The following STON2 variants were observed in gnomAD, a reference collection of about 807,000 sequenced individuals.
The protein encoded by STON2 is stonin-2.
A neutral mutation model predicts 65.7 loss-of-function variants in STON2; 29 were observed. The ratio of observed to expected loss-of-function variants is 0.44; its 90% CI spans 0.33 to 0.60. The LOEUF (loss-of-function observed/expected upper bound fraction) is 0.60, where lower values mean the gene tolerates loss of function less well. Ranked by LOEUF, STON2 falls within the 20% of genes least tolerant of loss-of-function variation. STON2 has a pLI of 0.03. For synonymous variants in STON2, 404 were observed against 414.2 expected (o/e 0.98, Z 0.30); for missense variants, 1,054 against 1,118.1 (o/e 0.94, Z 0.82).
chr14:81,321,333 C>T (rs549109727), intron 5 of STON2, among the ~76,000 whole-genome samples: 53 of 149,438 alleles, frequency 3.5e-4, no homozygotes, highest in South Asian at 1.5e-3. Flanking sequence ...GAGATCAAGA[C>T]CAGCCGAGGC....
At chr14:81,320,139 T>TG (rs1896769670) in intron 5 of STON2, among the ~76,000 whole-genome samples, 1 of 152,014 alleles carries the variant, frequency 6.6e-6, no homozygotes, top group South Asian at 2.1e-4. Flanking sequence ...CCTGGGGTGA[T>TG]GGGGTCTCTG....
At chr14:81,369,446 T>C (rs968069728) in intron 4 of STON2, among the ~76,000 whole-genome samples, 1 of 152,058 alleles carries the variant, frequency 6.6e-6, no homozygotes, top group Non-Finnish European at 1.5e-5. Context: ...GATTAGGCAA[T>C]GAAAAAACAG....
intron 3 of STON2, among the ~76,000 whole-genome samples, chr14:81,389,989 G>T (rs908856315): frequency 9.2e-5 from 14 of 152,016 alleles, no homozygotes; most frequent in African/African-American, 3.4e-4. Context: ...GAGGTGGGCC[G>T]ATCATTTGAG....
At position 81,433,447 on chromosome 14, in the gene STON2, T is replaced by A. The variant is rs968957541; in HGVS notation, c.-310+2874A>T. On this transcript the variant is annotated intron_variant, in intron 1 of 8. Coordinates refer to the STON2 transcript ENST00000553821. ...TCCCTGCCAATGGATAAAGTCCCAATCCCCTGGCACCCGACCCAGGGTCCT... is the reference window on the plus strand; with the variant it reads ...TCCCTGCCAATGGATAAAGTCCCAAACCCCTGGCACCCGACCCAGGGTCCT... Among the ~76,000 whole-genome samples the A allele has an allele frequency of 5.3e-5, 8 of 152,276 alleles. No individual in the cohort carries two copies. The East Asian group carries it at 7.7e-4, about 15-fold the overall frequency.
In STON2 at chr14:81,261,944, TAA is replaced by T. The variant is rs753081402; in HGVS notation, c.*6468_*6469del. 16,538 of 1,156,718 alleles carry T rather than the reference TAA, an allele frequency of 0.014. No homozygotes were observed. Among genetic ancestry groups the T allele is most frequent in the South Asian group, 0.029 (1,040 of 36,226 alleles). 71.7% of individuals were successfully genotyped at this position (1,156,718 alleles called of 1,614,324 possible). Reference sequence around the variant, plus strand: ...CTGTTTCTGTTGTCTGGGGAAATGATAAAAAAAAAAAAAAAAAAGAGAGAGAT... The same window carrying T: ...CTGTTTCTGTTGTCTGGGGAAATGATAAAAAAAAAAAAAAAAGAGAGAGAT... On this transcript the variant is annotated 3_prime_UTR_variant, in exon 8 of 8. Coordinates refer to ENST00000614646, the MANE Select transcript of STON2 (RefSeq NM_001394390.1).
At chr14:81,433,163 C>T (rs922105024) in intron 1 of STON2, among the ~76,000 whole-genome samples, 1 of 152,194 alleles carries the variant, frequency 6.6e-6, no homozygotes, top group Admixed American at 6.5e-5. Flanking sequence ...TGAGAGAGCA[C>T]GTGCATTTTA....
chr14:81,313,095 T>G (rs763907685), intron 5 of STON2, among the ~76,000 whole-genome samples: 3 of 152,212 alleles, frequency 2.0e-5, no homozygotes, highest in Non-Finnish European at 2.9e-5. Context: ...ACATACTATC[T>G]ACTATAATCT....
Position 81,261,537 on chromosome 14 carries a change from G to T in STON2, c.*6877C>A. 2.9e-6 allele frequency: 1 copy of T among 348,480 alleles called. No homozygotes were observed. Among genetic ancestry groups the T allele is most frequent in the Non-Finnish European group, 5.1e-6 (1 of 196,838 alleles). 21.6% of individuals were successfully genotyped at this position (348,480 alleles called of 1,614,324 possible). ...CAATTTGATGTTACTAAGAGACAAC[G>T]AGGATACAGAGGGGACTGTCCCTTT... On this transcript the variant is annotated 3_prime_UTR_variant, in exon 8 of 8. Coordinates refer to ENST00000614646, the MANE Select transcript of STON2 (RefSeq NM_001394390.1).
At chr14:81,281,846 T>A (rs1025390918) in intron 5 of STON2, among the ~76,000 whole-genome samples, 3 of 152,212 alleles carry the variant, frequency 2.0e-5, no homozygotes, top group Non-Finnish European at 4.4e-5. Flanking sequence ...TGAATTCAAT[T>A]AATTTCTAGG....
intron 5 of STON2, among the ~76,000 whole-genome samples, chr14:81,318,627 G>C (rs1465477077): frequency 2.6e-5 from 4 of 152,212 alleles, no homozygotes; most frequent in Non-Finnish European, 5.9e-5. Context: ...GAGGCGGGCA[G>C]ATCACTTGAG....
At chr14:81,270,400 G>A (rs909492075) in intron 7 of STON2, 1 of 1,393,620 alleles carries the variant, frequency 7.2e-7, no homozygotes, top group Admixed American at 3.2e-5. Flanking sequence ...TATTCTTTTT[G>A]TTGTCATTGC....
intron 5 of STON2, among the ~76,000 whole-genome samples, chr14:81,313,812 C>T (rs200407854): frequency 0.086 from 1,569 of 18,166 alleles, 35 homozygotes; most frequent in African/African-American, 0.23. Context: ...AAAAAAAATA[C>T]ACACACACAC....
At chr14:81,274,447 T>C (rs186533110) in intron 6 of STON2, among the ~76,000 whole-genome samples, 2 of 152,284 alleles carry the variant, frequency 1.3e-5, no homozygotes, top group Non-Finnish European at 2.9e-5. Context: ...CTGGGAATCA[T>C]TAAGGAGAGT....
At chr14:81,268,986 A>AC (rs905466671) in intron 7 of STON2, among the ~76,000 whole-genome samples, 34 of 152,116 alleles carry the variant, frequency 2.2e-4, no homozygotes, top group African/African-American at 8.0e-4. Context: ...GACTGTTTGT[A>AC]CCCCCTCAAT....
At chr14:81,373,798 A>T (rs1179686122) in intron 3 of STON2, among the ~76,000 whole-genome samples, 1 of 152,142 alleles carries the variant, frequency 6.6e-6, no homozygotes, top group African/African-American at 2.4e-5. Flanking sequence ...AAGATAGGAA[A>T]GAAAATTGTC....
rs577240829 is a variant in STON2 at position 81,301,100 on chromosome 14, A to ATTCATTTTAATAAATTCATTCATTTAAT, written c.743-22362_743-22361insATTAAATGAATGAATTTATTAAAATGAA. ...TTGCACCATCATTTCTCCAGGTTTGATTCATTCATTTAATCTCACACCAAC... is the reference window on the plus strand; with the variant it reads ...TTGCACCATCATTTCTCCAGGTTTGATTCATTTTAATAAATTCATTCATTTAATTTCATTCATTTAATCTCACACCAAC... On this transcript the variant is annotated intron_variant, in intron 5 of 7. Transcript: ENST00000614646. Among the ~76,000 whole-genome samples the ATTCATTTTAATAAATTCATTCATTTAAT allele has an allele frequency of 4.4e-4, 67 of 152,302 alleles. No individual in the cohort carries two copies. In the South Asian group the frequency reaches 0.013, roughly 31 times the overall value.
At chr14:81,397,847 T>C (rs780141605) in intron 2 of STON2, among the ~76,000 whole-genome samples, 9 of 152,148 alleles carry the variant, frequency 5.9e-5, no homozygotes, top group Non-Finnish European at 8.8e-5. Context: ...TGATTATCCC[T>C]ACTGTACAGA....
At chr14:81,306,186 C>T (rs1242218144) in intron 5 of STON2, among the ~76,000 whole-genome samples, 1 of 135,628 alleles carries the variant, frequency 7.4e-6, no homozygotes, top group Non-Finnish European at 1.6e-5. Context: ...TATATATATA[C>T]ACTCTATTTT....
intron 2 of STON2, among the ~76,000 whole-genome samples, chr14:81,414,764 C>G (rs1378654550): frequency 6.6e-6 from 1 of 151,776 alleles, no homozygotes; most frequent in Non-Finnish European, 1.5e-5. Context: ...ACACCGCAGC[C>G]CATTTAATAT....
Sources: allele counts gnomAD v4.1 joint callset (sites outside exome capture counted in the v4.1 genomes callset), GRCh38; gene constraint gnomAD v4.1.1; transcripts MANE v1.5; gene names NCBI Gene and HGNC (gene_info 2026-07-23, HGNC 2026-07-21).